The following ZRANB3 variants were observed in gnomAD, a reference collection of about 807,000 sequenced individuals.
The protein encoded by ZRANB3 is zinc finger RANBP2-type containing 3.
ZRANB3 carries 125 observed loss-of-function variants against 133.8 expected under a neutral mutation model. The observed-to-expected ratio is 0.93, with a 90% CI of 0.81 to 1.08. The LOEUF is 1.08. ZRANB3 is among the 50% of genes least tolerant of loss of function. The pLI is 0.00. For synonymous variants in ZRANB3, 387 were observed against 432.7 expected (o/e 0.89, Z 1.31); for missense variants, 1,229 against 1,275.5 (o/e 0.96, Z 0.56).
At chr2:135,470,052 C>T (rs909545942) in intron 2 of ZRANB3, among the ~76,000 whole-genome samples, 10 of 149,406 alleles carry the variant, frequency 6.7e-5, no homozygotes, top group Admixed American at 2.0e-4. Context: ...AGGTTGGGCA[C>T]GGTGATTCAC....
At chr2:135,228,124 A>ACTT in intron 13 of ZRANB3, 109 bp from the exon 14 acceptor site, 1 of 950,440 alleles carries the variant, frequency 1.1e-6, no homozygotes, top group Non-Finnish European at 1.5e-6. Flanking sequence ...ATGTTTATTC[A>ACTT]TATGTTCAAA....
At chr2:135,476,299 T>A (rs1039714852) in intron 2 of ZRANB3, among the ~76,000 whole-genome samples, 2 of 152,206 alleles carry the variant, frequency 1.3e-5, no homozygotes, top group African/African-American at 4.8e-5. Flanking sequence ...AATAACATTG[T>A]ATGTATGAGA....
chr2:135,273,523 C>A (rs1295481256), intron 9 of ZRANB3, among the ~76,000 whole-genome samples: 1 of 152,040 alleles, frequency 6.6e-6, no homozygotes, highest in Non-Finnish European at 1.5e-5. Context: ...TCACCTCCAA[C>A]CCCATGAATA....
At chr2:135,428,276 A>G (rs931482466) in intron 2 of ZRANB3, among the ~76,000 whole-genome samples, 1 of 151,846 alleles carries the variant, frequency 6.6e-6, no homozygotes, top group Admixed American at 6.6e-5. Context: ...AACCTCATCT[A>G]TACTAAAAAA....
intron 1 of ZRANB3, chr2:135,511,267 C>T (rs761203524): frequency 4.9e-6 from 5 of 1,027,272 alleles, no homozygotes; most frequent in Non-Finnish European, 7.7e-6. Context: ...TTCTGAGCAT[C>T]CTCAGGAGCA....
intron 8 of ZRANB3, among the ~76,000 whole-genome samples, chr2:135,285,519 C>G (rs1160375651): frequency 6.6e-6 from 1 of 152,150 alleles, no homozygotes; most frequent in African/African-American, 2.4e-5. Context: ...CATTATACCT[C>G]ACTGAATATT....
chr2:135,428,761 A>G (rs1334695253), intron 2 of ZRANB3, among the ~76,000 whole-genome samples: 1 of 152,222 alleles, frequency 6.6e-6, no homozygotes, highest in African/African-American at 2.4e-5. Context: ...GACATACATA[A>G]GGCCAATAAG....
intron 2 of ZRANB3, among the ~76,000 whole-genome samples, chr2:135,429,199 C>G (rs769009459): frequency 1.3e-5 from 2 of 152,160 alleles, no homozygotes; most frequent in Non-Finnish European, 2.9e-5. Context: ...CAATACTATA[C>G]AGCCATAAAA....
At position 135,233,823 on chromosome 2, in the gene ZRANB3, A is replaced by C. The variant is rs539569627; in HGVS notation, c.1540-2896T>G. ...AAACATGGAAAGGAACAACCAGTACAAGCCACTGCAAAAACATGCCAAATT... is the reference window on the plus strand; with the variant it reads ...AAACATGGAAAGGAACAACCAGTACCAGCCACTGCAAAAACATGCCAAATT... On this transcript the variant is annotated intron_variant, in intron 12 of 20. Coordinates refer to ENST00000264159, the MANE Select transcript of ZRANB3 (RefSeq NM_032143.4). Among the ~76,000 whole-genome samples the C allele has an allele frequency of 3.0e-3, 451 of 152,272 alleles. 3 individuals carry two copies. The highest frequency in any genetic ancestry group is 0.01 in the African/African-American group (420 of 41,556).
intron 3 of ZRANB3, among the ~76,000 whole-genome samples, chr2:135,371,060 G>C (rs10197798): frequency 6.6e-6 from 1 of 151,964 alleles, no homozygotes; most frequent in Non-Finnish European, 1.5e-5. Context: ...TTTATACATT[G>C]CCCAGTCTCA....
intron 17 of ZRANB3, 74 bp from the exon 18 acceptor site, chr2:135,209,052 C>T: frequency 7.2e-7 from 1 of 1,382,700 alleles, no homozygotes. Context: ...TTACATTGTT[C>T]CTTGCAAAAG....
chr2:135,402,696 C>A (rs1687794834), intron 2 of ZRANB3, among the ~76,000 whole-genome samples: 1 of 151,980 alleles, frequency 6.6e-6, no homozygotes, highest in Non-Finnish European at 1.5e-5. Flanking sequence ...AAGCGATTCT[C>A]CTGCTCAGCC....
At position 135,350,096 on chromosome 2, in the gene ZRANB3, T is replaced by A; in HGVS notation, c.479A>T (p.His160Leu). ...AGTTGCATTTCTGGATTTCATGTAGTGTGATTCATCCACTATAACTACTTT... is the reference window on the plus strand; with the variant it reads ...AGTTGCATTTCTGGATTTCATGTAGAGTGATTCATCCACTATAACTACTTT... ...NFKVVIVDES[H>L]YMKSRNATRS... Residue 160 changes from histidine to leucine, a missense_variant, in exon 5 of 21, where the codon CAC becomes CTC. Physicochemically the swap from His to Leu is moderately conservative, Grantham distance 99. Coordinates refer to ENST00000264159, the MANE Select transcript of ZRANB3 (RefSeq NM_032143.4). The A allele has an allele frequency of 6.2e-7, 1 of 1,613,844 alleles. No individual in the cohort carries two copies. The highest frequency in any genetic ancestry group is 2.2e-5 in the East Asian group (1 of 44,872).
At chr2:135,401,076 T>A (rs533677120) in intron 2 of ZRANB3, among the ~76,000 whole-genome samples, 15 of 152,224 alleles carry the variant, frequency 9.9e-5, no homozygotes, top group Non-Finnish European at 2.1e-4. Flanking sequence ...CATTTACCTA[T>A]ATTAAACACT....
intron 8 of ZRANB3, among the ~76,000 whole-genome samples, chr2:135,299,128 C>T (rs1005542173): frequency 1.1e-4 from 17 of 152,066 alleles, no homozygotes; most frequent in African/African-American, 2.9e-4. Context: ...ACCATCAGGT[C>T]GCAGGGTTAG....
intron 12 of ZRANB3, among the ~76,000 whole-genome samples, chr2:135,242,007 C>T (rs919823655): frequency 1.3e-5 from 2 of 151,956 alleles, no homozygotes; most frequent in African/African-American, 4.8e-5. Context: ...TGGTCAAACC[C>T]CAGCTCTACA....
At chr2:135,301,762 C>T (rs1682441721) in intron 8 of ZRANB3, among the ~76,000 whole-genome samples, 2 of 152,270 alleles carry the variant, frequency 1.3e-5, no homozygotes, top group East Asian at 1.9e-4. Context: ...GGCCAGGTAT[C>T]TTCTCTCATG....
At chr2:135,334,022 C>T (rs552560787) in intron 6 of ZRANB3, among the ~76,000 whole-genome samples, 40 of 152,188 alleles carry the variant, frequency 2.6e-4, no homozygotes, top group African/African-American at 9.6e-4. Context: ...GTATATTATC[C>T]CTACCTAACT....
chr2:135,367,114 G>A (rs1685974422), intron 3 of ZRANB3, among the ~76,000 whole-genome samples: 1 of 152,190 alleles, frequency 6.6e-6, no homozygotes, highest in African/African-American at 2.4e-5. Context: ...TTGTAAAAAT[G>A]GCCGTGCAAA....
Sources: allele counts gnomAD v4.1 joint callset (sites outside exome capture counted in the v4.1 genomes callset), GRCh38; gene constraint gnomAD v4.1.1; transcripts MANE v1.5; gene names NCBI Gene and HGNC (gene_info 2026-07-23, HGNC 2026-07-21).